The following MKS1 variants were observed in gnomAD, a reference collection of about 807,000 sequenced individuals.
MKS1 encodes the protein MKS transition zone complex subunit 1, also known as tectonic-like complex member MKS1.
MKS1 carries 70 observed loss-of-function variants against 83.7 expected under a neutral mutation model. The observed-to-expected ratio is 0.84, with a 90% CI of 0.69 to 1.02. The LOEUF is 1.02. Ranked by LOEUF, MKS1 falls within the 50% of genes least tolerant of loss-of-function variation. The pLI, the probability that MKS1 is intolerant of heterozygous loss-of-function variation, is 0.00. For missense variants in MKS1, 681 were observed against 726.9 expected, an observed-to-expected ratio of 0.94 and a Z score of 0.73; for synonymous variants, 251 against 273.4, an observed-to-expected ratio of 0.92 and a Z score of 0.81.
intron 4 of MKS1, 127 bp from the exon 5 acceptor site, chr17:58,214,965 A>G: frequency 6.9e-7 from 1 of 1,441,470 alleles, no homozygotes; most frequent in Non-Finnish European, 9.4e-7. Flanking sequence ...GCCACCTCAC[A>G]ATTATACATG....
At chr17:58,206,710 G>A (rs1968536718) in intron 15 of MKS1, 163 bp from the exon 16 acceptor site, 1 of 767,102 alleles carries the variant, frequency 1.3e-6, no homozygotes, top group Non-Finnish European at 2.2e-6. Flanking sequence ...GCTAATACTG[G>A]GCTATTGGGC....
intron 1 of MKS1, 134 bp downstream of exon 1, chr17:58,219,017 T>C (rs1234137330): frequency 1.5e-6 from 2 of 1,298,684 alleles, no homozygotes; most frequent in Admixed American, 4.2e-5. Context: ...GTACGGATAG[T>C]GAAAGAAGTG....
intron 1 of MKS1, 137 bp downstream of exon 1, chr17:58,219,014 T>G (rs1326026599): frequency 8.0e-7 from 1 of 1,255,960 alleles, no homozygotes; most frequent in Admixed American, 2.1e-5. Context: ...GGGGTACGGA[T>G]AGTGAAAGAA....
chr17:58,209,291 C>A lies in MKS1; in HGVS notation c.1025-708G>T, dbSNP rs2034843166. 6.6e-6 allele frequency among the ~76,000 whole-genome samples: 1 copy of A among 152,182 alleles called. No individual in the cohort carries two copies. The highest frequency in any genetic ancestry group is 2.1e-4 in the South Asian group (1 of 4,834). ...TCATTTATTCACACAATCAATCATT[C>A]ATTTACCATTTACTGAGTGCCTGCT... is the stretch of plus-strand genomic sequence containing the variant. On this transcript the variant is annotated intron_variant, in intron 11 of 17. Coordinates refer to ENST00000393119, the MANE Select transcript of MKS1 (RefSeq NM_017777.4). The surrounding 1 kb of genome is among the most constrained non-coding windows in gnomAD (Gnocchi z 4.1).
intron 1 of MKS1, 95 bp from the exon 2 acceptor site, chr17:58,218,824 T>C: frequency 2.5e-6 from 3 of 1,179,550 alleles, no homozygotes; most frequent in Non-Finnish European, 3.7e-6. Flanking sequence ...GGAGGTAGGG[T>C]TGCCAAGGTG....
At chr17:58,212,876 A>C in intron 8 of MKS1, 106 bp downstream of exon 8, 1 of 1,105,802 alleles carries the variant, frequency 9.0e-7, no homozygotes, top group Non-Finnish European at 1.4e-6. Flanking sequence ...GGGGCCATGA[A>C]GGGCAAGGCT....
At chr17:58,212,584 A>G in intron 8 of MKS1, 150 bp from the exon 9 acceptor site, 1 of 876,742 alleles carries the variant, frequency 1.1e-6, no homozygotes, top group Non-Finnish European at 1.9e-6. Context: ...ACCGTGAAGC[A>G]GAGGCCCTGG....
chr17:58,216,277 A>G (rs1200001844), intron 3 of MKS1, 34 bp from the exon 4 acceptor site: 3 of 1,601,442 alleles, frequency 1.9e-6, no homozygotes, highest in South Asian at 1.1e-5. Flanking sequence ...AGATGTGTAC[A>G]TCATTATAAT....
intron 7 of MKS1, 63 bp from the exon 8 acceptor site, chr17:58,213,153 T>A: frequency 6.6e-7 from 1 of 1,509,838 alleles, no homozygotes; most frequent in Non-Finnish European, 9.2e-7. Context: ...CTGGGATAGC[T>A]CCCAGCCCAG....
rs1033778267 is a variant in MKS1 at position 58,205,640 on chromosome 17, G to C, written c.*439C>G. 7 of 1,307,366 alleles carry C rather than the reference G, an allele frequency of 5.4e-6. No individual in the cohort carries two copies. Among genetic ancestry groups the C allele is most frequent in the African/African-American group, 1.5e-5 (1 of 66,086 alleles). 81.0% of individuals were successfully genotyped at this position (1,307,366 alleles called of 1,614,324 possible). On this transcript the variant is annotated 3_prime_UTR_variant, in exon 18 of 18. Transcript: ENST00000393119. ...CCTGGAAAGAGGCTGAGACTCACAG[G>C]CTGGGGATTTAAGACCCTCTCACCG...
rs12051662 is a variant in MKS1 at position 58,218,875 on chromosome 17, C to G, written c.81-146G>C. On this transcript the variant is annotated intron_variant, in intron 1 of 17. Transcript: ENST00000393119. ...ACGGAGAGGAGGTGGGTGGGTGCGC[C>G]GTCCTATGGGGAAGAATGAAGGGGA... The G allele has an allele frequency of 0.1, 88,334 of 854,052 alleles. 4,750 individuals are homozygous for G. The highest frequency in any genetic ancestry group is 0.14 in the African/African-American group (8,497 of 59,824). 52.9% of individuals were successfully genotyped at this position (854,052 alleles called of 1,614,324 possible). A position where few individuals can be genotyped will look rare whatever the true frequency, so the allele number is the denominator to read the frequency against.
chr17:58,217,348 A>T (rs1969280612), intron 2 of MKS1, among the ~76,000 whole-genome samples: 1 of 152,252 alleles, frequency 6.6e-6, no homozygotes, highest in South Asian at 2.1e-4. Flanking sequence ...ATATAAGCTG[A>T]ATAGCCAGCC....
rs960833305 is a variant in MKS1 at position 58,207,068 on chromosome 17, C to T, written c.1407+17G>A. On this transcript the variant is annotated intron_variant, in intron 15 of 17. Transcript: ENST00000393119. ...CATAAGTTCTCAGCGTGAAGTCACT[C>T]CAAAGACAAAAGTCACCTTGAAGGA... 2 of 1,614,166 alleles carry T rather than the reference C, an allele frequency of 1.2e-6. No individual in the cohort carries two copies. The highest frequency in any genetic ancestry group is 1.7e-6 in the Non-Finnish European group (2 of 1,180,034).
intron 4 of MKS1, chr17:58,215,669 T>G (rs1969150118): frequency 5.0e-6 from 1 of 201,966 alleles, no homozygotes; most frequent in African/African-American, 2.3e-5. Context: ...CATAAGCCAT[T>G]TTCCATAGCT....
In MKS1 at chr17:58,208,119, T is replaced by C. The variant is rs1968640395; in HGVS notation, c.1151A>G (p.Glu384Gly). The change falls in exon 13 of 18, where the codon GAG (glutamate) becomes GGG (glycine). Residue 384 changes from glutamate (E) to glycine (G), a missense_variant. This residue lies in a region of MKS1 where 310 missense variants were observed against 321.7 expected (regional missense o/e 0.96). Transcript: ENST00000393119. ...PFTFEAFFLH[E>G]DESSDALPEW... ...GAGCTACTCACCAGAAGATTCATCC[T>C]CATGGAGGAAGAAGGCTTCAAACGT... The C allele has an allele frequency of 2.5e-6, 4 of 1,613,658 alleles. No individual in the cohort carries two copies. Among genetic ancestry groups the C allele is most frequent in the Non-Finnish European group, 3.4e-6 (4 of 1,179,608 alleles).
In MKS1 at chr17:58,208,590, G is replaced by A. The variant is rs1218000510; in HGVS notation, c.1025-7C>T. On this transcript the variant is annotated splice_region_variant and splice_polypyrimidine_tract_variant and intron_variant, in intron 11 of 17. Coordinates refer to ENST00000393119, the MANE Select transcript of MKS1 (RefSeq NM_017777.4). ...AATGCTGGGCTTGACCAGTCTGAAAGCCAAAGACCAAATATAGTAAGCTCG... is the reference window on the plus strand; with the variant it reads ...AATGCTGGGCTTGACCAGTCTGAAAACCAAAGACCAAATATAGTAAGCTCG... The A allele has an allele frequency of 6.2e-7, 1 of 1,613,974 alleles. No homozygotes were observed. The highest frequency in any genetic ancestry group is 8.5e-7 in the Non-Finnish European group (1 of 1,179,904).
intron 14 of MKS1, 67 bp downstream of exon 14, chr17:58,207,827 C>G: frequency 7.2e-7 from 1 of 1,391,866 alleles, no homozygotes; most frequent in African/African-American, 1.4e-5. Flanking sequence ...CAGAAGCATT[C>G]GAGTGTTAGT....
Position 58,207,844 on chromosome 17 carries a change from C to T in MKS1, c.1273+50G>A, listed in dbSNP as rs777737965. 3 of 1,504,724 alleles carry T rather than the reference C, an allele frequency of 2.0e-6. No individual in the cohort carries two copies. In the South Asian group the frequency reaches 3.4e-5, roughly 17 times the overall value. 93.2% of individuals were successfully genotyped at this position (1,504,724 alleles called of 1,614,324 possible). On this transcript the variant is annotated intron_variant, in intron 14 of 17. Transcript: ENST00000393119. ...GAAGCATTCGAGTGTTAGTCTTGTT[C>T]TTAGGGCCTAGGGCATGTGGGCCAC... is the stretch of plus-strand genomic sequence containing the variant.
At chr17:58,212,299 GAGGTAGTGTAACT>G in intron 9 of MKS1, 66 bp downstream of exon 9, 2 of 1,514,536 alleles carry the variant, frequency 1.3e-6, no homozygotes, top group Non-Finnish European at 1.8e-6. Flanking sequence ...GCCTTTAAGA[GAGGTAGTGTAACT>G]CATCCACAGT....
Sources: gnomAD v4.1 joint callset for allele counts (sites outside exome capture counted in the v4.1 genomes callset) on GRCh38, gnomAD v4.1.1 for gene constraint, gnomAD v4.1.1 regional missense constraint, Gnocchi (gnomAD v3.1) non-coding constraint, MANE v1.5 for transcripts, NCBI Gene and HGNC (gene_info 2026-07-23, HGNC 2026-07-21) for gene names.